Variants in CAND1 observed in about 807,000 individuals in gnomAD.
CAND1 encodes the protein cullin associated and neddylation dissociated 1.
In CAND1, 7 loss-of-function variants were observed where a neutral mutation model predicts 108.5. The observed-to-expected ratio is 0.06, with a 90% CI of 0.04 to 0.12. The LOEUF (loss-of-function observed/expected upper bound fraction) is 0.12, where lower values mean the gene tolerates loss of function less well. Ranked by LOEUF, CAND1 falls within the 10% of genes least tolerant of loss-of-function variation. The probability of loss-of-function intolerance (pLI) is 1.00; values close to 1 mark genes in which losing one functional copy is unlikely to be tolerated. For synonymous variants in CAND1, 534 were observed against 512.0 expected (o/e 1.04, Z -0.58); for missense variants, 941 against 1,448.7 (o/e 0.65, Z 5.69).
intron 1 of CAND1, among the ~76,000 whole-genome samples, chr12:67,273,707 T>G (rs181162167): frequency 5.9e-5 from 9 of 152,036 alleles, no homozygotes; most frequent in African/African-American, 2.2e-4. Flanking sequence ...AAACTCTTGA[T>G]TTCCGGCAAT....
At chr12:67,272,849 A>C (rs2044533624) in intron 1 of CAND1, among the ~76,000 whole-genome samples, 1 of 152,092 alleles carries the variant, frequency 6.6e-6, no homozygotes, top group Non-Finnish European at 1.5e-5. Context: ...GGCACACACC[A>C]CCACGCCTGG....
intron 1 of CAND1, among the ~76,000 whole-genome samples, chr12:67,273,583 C>T (rs1009634173): frequency 2.0e-5 from 3 of 151,164 alleles, no homozygotes; most frequent in Admixed American, 6.6e-5. Context: ...TGGGCTCAAG[C>T]GATTTTCTTC....
At chr12:67,311,669 T>A (rs1565731230) in intron 13 of CAND1, 24 bp from the exon 14 acceptor site, 1 of 1,393,846 alleles carries the variant, frequency 7.2e-7, no homozygotes, top group Non-Finnish European at 1.0e-6. Flanking sequence ...CAAATCTAAA[T>A]TCTGTCTTTT....
chr12:67,271,728 T>A (rs889734309), intron 1 of CAND1, among the ~76,000 whole-genome samples: 12 of 152,238 alleles, frequency 7.9e-5, no homozygotes, highest in African/African-American at 2.9e-4. Flanking sequence ...ATTAGTGTAA[T>A]ATTGATATAT....
chr12:67,304,194 T>G (rs1432950058), intron 8 of CAND1, among the ~76,000 whole-genome samples: 1 of 152,130 alleles, frequency 6.6e-6, no homozygotes, highest in African/African-American at 2.4e-5. Flanking sequence ...TTCACCATGT[T>G]GGCCAGAATG....
Position 67,305,600 on chromosome 12 carries a change from G to A in CAND1, c.1932G>A (p.Leu644=), listed in dbSNP as rs144931721. The change falls in exon 10 of 15, where the codon TTG becomes TTA. Residue 644 remains leucine, a synonymous_variant. Transcript: ENST00000545606. The surrounding 1 kb of genome is among the most constrained non-coding windows in gnomAD (Gnocchi z 4.4). The part of the protein sequence containing the change: ...LIAGSPLKID[L]RPVLGEGVPI... ...CTGGGTCACCTTTGAAGATAGATTTGAGGCCTGTTCTGGGAGAAGGGGTTC... is the reference window on the plus strand; with the variant it reads ...CTGGGTCACCTTTGAAGATAGATTTAAGGCCTGTTCTGGGAGAAGGGGTTC... 6.4e-5 allele frequency: 104 copies of A among 1,614,170 alleles called. No homozygotes were observed. The East Asian group carries it at 2.3e-3, about 36-fold the overall frequency.
intron 4 of CAND1, 50 bp from the exon 5 acceptor site, chr12:67,297,357 G>A (rs143204578): frequency 1.3e-6 from 2 of 1,547,858 alleles, no homozygotes; most frequent in African/African-American, 1.4e-5. Flanking sequence ...TAGTGGCCAG[G>A]CATCTTGAAT....
intron 1 of CAND1, among the ~76,000 whole-genome samples, chr12:67,276,401 C>T (rs1200251893): frequency 7.9e-5 from 12 of 151,986 alleles, no homozygotes; most frequent in African/African-American, 2.7e-4. Flanking sequence ...GGTTTTTGTC[C>T]GTAATAGTCA....
rs1458889652 is a variant in CAND1, at chr12:67,269,483, C to CG, written c.-234dup. The CG allele has an allele frequency of 1.2e-5, 6 of 521,294 alleles. No individual in the cohort carries two copies. Among genetic ancestry groups the CG allele is most frequent in the Non-Finnish European group, 2.0e-5 (6 of 299,684 alleles). The allele number at this position is 521,294 out of a possible 1,614,324, so 32.3% of individuals were successfully genotyped here. ...CATGAGCTCGTTCTCACGCGAACAGCGCCGTCGTTAGGCTGGCTCTGTAGC... is the reference window on the plus strand; with the variant it reads ...CATGAGCTCGTTCTCACGCGAACAGCGGCCGTCGTTAGGCTGGCTCTGTAGC... On this transcript the variant is annotated 5_prime_UTR_variant, in exon 1 of 15. It removes the in-frame stop codon of an upstream open reading frame in the 5' UTR. Coordinates refer to ENST00000545606, the MANE Select transcript of CAND1 (RefSeq NM_018448.5).
chr12:67,309,863 T>C, intron 11 of CAND1, 38 bp from the exon 12 acceptor site: 1 of 1,438,730 alleles, frequency 7.0e-7, no homozygotes, highest in Non-Finnish European at 9.5e-7. Context: ...ATTTTAAGTT[T>C]ATCATGTCTG....
intron 2 of CAND1, among the ~76,000 whole-genome samples, chr12:67,283,445 T>C (rs1459764377): frequency 2.0e-5 from 3 of 152,018 alleles, no homozygotes; most frequent in Admixed American, 2.0e-4. Flanking sequence ...TAGCCAGGCA[T>C]GGTGGTGCAT....
In CAND1 at chr12:67,272,661, C is replaced by A. The variant is rs147685555; in HGVS notation, c.68+2876C>A. On this transcript the variant is annotated intron_variant, in intron 1 of 14. Transcript: ENST00000545606. ...AGAAATGCTGAGATTAGGAACTCTGCCATATGCAGGGTTTTTGTTGTTGTT... is the reference window on the plus strand; with the variant it reads ...AGAAATGCTGAGATTAGGAACTCTGACATATGCAGGGTTTTTGTTGTTGTT... 5.1e-4 allele frequency among the ~76,000 whole-genome samples: 78 copies of A among 152,174 alleles called. 1 individual carries two copies. The highest frequency in any genetic ancestry group is 3.4e-3 in the Middle Eastern group (1 of 294).
intron 1 of CAND1, among the ~76,000 whole-genome samples, chr12:67,281,261 C>T (rs1357117609): frequency 6.6e-6 from 1 of 151,534 alleles, no homozygotes; most frequent in Non-Finnish European, 1.5e-5. Context: ...ACCTGGGAGG[C>T]GGAGGTTGCG....
intron 1 of CAND1, among the ~76,000 whole-genome samples, chr12:67,278,471 C>CA (rs2044590260): frequency 6.6e-6 from 1 of 151,180 alleles, no homozygotes; most frequent in Non-Finnish European, 1.5e-5. Context: ...ATCAGTCTTT[C>CA]CTGACACAAC....
intron 1 of CAND1, among the ~76,000 whole-genome samples, 185 bp from the exon 2 acceptor site, chr12:67,281,725 T>C (rs1189753770): frequency 6.6e-6 from 1 of 152,198 alleles, no homozygotes; most frequent in Non-Finnish European, 1.5e-5. Context: ...TTAAGTACAT[T>C]ATTGCTCTTT....
At chr12:67,285,339 G>A (rs1055900704) in intron 2 of CAND1, among the ~76,000 whole-genome samples, 1 of 152,174 alleles carries the variant, frequency 6.6e-6, no homozygotes, top group African/African-American at 2.4e-5. Flanking sequence ...ACATCATAAA[G>A]TTTTTGGTTC....
chr12:67,302,411 A>G lies in CAND1; in HGVS notation c.1089A>G (p.Thr363=), dbSNP rs2044834147. The change falls in exon 8 of 15, where the codon ACA becomes ACG. Residue 363 remains threonine, a synonymous_variant. Transcript: ENST00000545606. The stretch of plus-strand genomic sequence containing the variant: ...AGTGCTTGGATGCTGTAGTTAGCAC[A>G]AGGCATGAAATGCTTCCAGAATTCT... ...AAKCLDAVVS[T]RHEMLPEFYK... 1.2e-6 allele frequency: 2 copies of G among 1,614,120 alleles called. No individual in the cohort carries two copies. The highest frequency in any genetic ancestry group is 1.7e-6 in the Non-Finnish European group (2 of 1,179,948).
chr12:67,285,663 C>T (rs971460842), intron 2 of CAND1, among the ~76,000 whole-genome samples: 4 of 152,102 alleles, frequency 2.6e-5, no homozygotes, highest in Non-Finnish European at 4.4e-5. Flanking sequence ...ACTGGATAAT[C>T]GTTTGATAAA....
chr12:67,308,161 G>A (rs2044908608), intron 11 of CAND1, among the ~76,000 whole-genome samples: 1 of 151,986 alleles, frequency 6.6e-6, no homozygotes, highest in Non-Finnish European at 1.5e-5. Context: ...GCTTTCTTGA[G>A]GACAGGATAA....
Sources: allele counts gnomAD v4.1 joint callset (sites outside exome capture counted in the v4.1 genomes callset), GRCh38; gene constraint gnomAD v4.1.1; non-coding constraint Gnocchi (gnomAD v3.1); transcripts MANE v1.5; gene names NCBI Gene and HGNC (gene_info 2026-07-23, HGNC 2026-07-21).